Variants in CDH3 observed in about 807,000 individuals in gnomAD.
CDH3 encodes cadherin 3.
CDH3 carries 54 observed loss-of-function variants against 82.0 expected under a neutral mutation model. That is an observed-to-expected ratio of 0.66 (90% CI 0.53 to 0.83). The LOEUF is 0.83. CDH3 is among the 40% of genes least tolerant of loss of function. The pLI, the probability that CDH3 is intolerant of heterozygous loss-of-function variation, is 0.00. For missense variants in CDH3, 1,054 were observed against 1,084.6 expected (o/e 0.97, Z 0.40); for synonymous variants, 446 against 437.9 (o/e 1.02, Z -0.23).
the CDH3 span, among the ~76,000 whole-genome samples, chr16:68,732,627 C>T: frequency 2.0e-5 from 3 of 152,214 alleles, no homozygotes; most frequent in Admixed American, 6.5e-5. Flanking sequence ...AGCGCTGGAT[C>T]TCAGCAAGAT....
At chr16:68,673,662 A>C (rs1229499629) in intron 2 of CDH3, among the ~76,000 whole-genome samples, 1 of 151,942 alleles carries the variant, frequency 6.6e-6, no homozygotes, top group Non-Finnish European at 1.5e-5. Context: ...GCAGTGGCTC[A>C]CTCCTGTAAT....
chr16:68,679,324 A>G (rs1961135997), intron 6 of CDH3, among the ~76,000 whole-genome samples: 1 of 152,238 alleles, frequency 6.6e-6, no homozygotes, highest in Non-Finnish European at 1.5e-5. Context: ...CTGTTAGGTA[A>G]TACAGAGCGC....
At chr16:68,661,053 T>G (rs2152093368) in intron 2 of CDH3, among the ~76,000 whole-genome samples, 1 of 151,916 alleles carries the variant, frequency 6.6e-6, no homozygotes, top group East Asian at 1.9e-4. Flanking sequence ...ACATGTGAAG[T>G]GTATGTATGG....
Position 68,691,724 on chromosome 16 carries a change from C to G in CDH3, c.1800C>G (p.Asp600Glu), listed in dbSNP as rs1199427210. The change falls in exon 13 of 16, where the codon GAC (aspartate) becomes GAG (glutamate). Residue 600 changes from aspartate to glutamate, a missense_variant. Transcript: ENST00000264012. ...YWTAEVNEEGDTVVLSLKKFL... is the reference protein window; with the variant it reads ...YWTAEVNEEGETVVLSLKKFL... ...TCAATGATCTGTTCACTCCAGGTGA[C>G]ACAGTGGTCTTGTCCCTGAAGAAGT... is the stretch of plus-strand genomic sequence containing the variant. 5 of 1,612,872 alleles carry G rather than the reference C, an allele frequency of 3.1e-6. No homozygotes were observed. Among genetic ancestry groups the G allele is most frequent in the Non-Finnish European group, 4.2e-6 (5 of 1,178,954 alleles).
At chr16:68,658,694 C>T (rs1280690489) in intron 2 of CDH3, among the ~76,000 whole-genome samples, 6 of 152,224 alleles carry the variant, frequency 3.9e-5, no homozygotes, top group African/African-American at 9.6e-5. Context: ...CCTGTAGAGT[C>T]GCTTCATCCA....
intron 5 of CDH3, 25 bp from the exon 6 acceptor site, chr16:68,678,737 G>C (rs773789550): frequency 6.2e-7 from 1 of 1,614,160 alleles, no homozygotes; most frequent in Non-Finnish European, 8.5e-7. Flanking sequence ...GCACCGGGCT[G>C]ACCCCAGAGC....
intron 1 of CDH3, among the ~76,000 whole-genome samples, chr16:68,715,743 A>G (rs1329773509): frequency 6.6e-6 from 1 of 152,216 alleles, no homozygotes; most frequent in African/African-American, 2.4e-5. Context: ...TTGCTGATGA[A>G]TAGCCTCTGG....
At chr16:68,726,730 C>T (rs1433345873) in intron 2 of CDH3, among the ~76,000 whole-genome samples, 2 of 152,072 alleles carry the variant, frequency 1.3e-5, no homozygotes, top group Admixed American at 6.6e-5. Context: ...AGGCGCCCAC[C>T]ACCACGCCTG....
In CDH3 at chr16:68,645,621, T is replaced by C. The variant is rs1293669387; in HGVS notation, c.46-15T>C. On this transcript the variant is annotated splice_polypyrimidine_tract_variant and intron_variant, in intron 1 of 15. Coordinates refer to ENST00000264012, the MANE Select transcript of CDH3 (RefSeq NM_001793.6). ...CCTGGACCCAGCCTCCTTCACTCTC[T>C]GCCCTCGGGCGCAGGTTTGCTGGCT... 6.5e-7 allele frequency: 1 copy of C among 1,538,752 alleles called. No individual in the cohort carries two copies. Among genetic ancestry groups the C allele is most frequent in the South Asian group, 1.2e-5 (1 of 83,936 alleles).
chr16:68,652,897 A>G (rs941204833), intron 2 of CDH3, among the ~76,000 whole-genome samples: 2 of 152,178 alleles, frequency 1.3e-5, no homozygotes, highest in African/African-American at 2.4e-5. Flanking sequence ...TTCTCATTGT[A>G]TAGTATTTCA....
rs935068731 is a variant in CDH3 at position 68,698,251 on chromosome 16, G to C, written c.2341G>C (p.Asp781His). 2.5e-6 allele frequency: 4 copies of C among 1,614,204 alleles called. No homozygotes were observed. Among genetic ancestry groups the C allele is most frequent in the East Asian group, 4.5e-5 (2 of 44,882 alleles). ...GCCCTACGACACCCTCTTGGTGTTC[G>C]ACTATGAGGGCAGCGGCTCCGACGC... is the stretch of plus-strand genomic sequence containing the variant. ...APPYDTLLVF[D>H]YEGSGSDAAS... Residue 781 changes from aspartate to histidine, a missense_variant, in exon 16 of 16, where the codon GAC becomes CAC. Coordinates refer to ENST00000264012, the MANE Select transcript of CDH3 (RefSeq NM_001793.6).
rs866162947 is a variant in CDH3, at chr16:68,707,944, C to A, written c.99+12021C>A. Among the ~76,000 whole-genome samples the A allele has an allele frequency of 1.3e-5, 2 of 152,090 alleles. No homozygotes were observed. Among genetic ancestry groups the A allele is most frequent in the African/African-American group, 4.8e-5 (2 of 41,406 alleles). On this transcript the variant is annotated intron_variant, in intron 1 of 2. Coordinates refer to the CDH3 transcript ENST00000569080. This position sits in a 1 kb window ranked among gnomAD's most constrained non-coding sequence, Gnocchi z 4.5. ...TCCATCCGGTAAACCACGGCCAGCC[C>A]ACAGCTGACAGGGCAGGGCGCTGAG...
At chr16:68,708,487 G>A (rs62057805) in intron 1 of CDH3, among the ~76,000 whole-genome samples, 1 of 151,810 alleles carries the variant, frequency 6.6e-6, no homozygotes, top group Non-Finnish European at 1.5e-5. Flanking sequence ...GATTTCTCTC[G>A]GCTCCCTCAC....
intron 15 of CDH3, 194 bp downstream of exon 15, chr16:68,696,117 G>A: frequency 1.5e-6 from 1 of 679,744 alleles, no homozygotes; most frequent in Non-Finnish European, 2.6e-6. Flanking sequence ...CACTTGCAGA[G>A]TGGTTAAAAA....
intron 1 of CDH3, among the ~76,000 whole-genome samples, chr16:68,717,895 A>C (rs953981877): frequency 1.3e-5 from 2 of 152,200 alleles, no homozygotes; most frequent in African/African-American, 4.8e-5. Flanking sequence ...AAGCAGCACC[A>C]GGCCTTCACT....
At chr16:68,670,268 T>C (rs1314355636) in intron 2 of CDH3, among the ~76,000 whole-genome samples, 7 of 150,876 alleles carry the variant, frequency 4.6e-5, no homozygotes, top group East Asian at 1.9e-4. Flanking sequence ...ACTTAAGTAG[T>C]TCTTGAATGA....
In CDH3 at chr16:68,698,850, A is replaced by G. The variant is rs2081661461; in HGVS notation, c.*450A>G. 6.0e-6 allele frequency: 1 copy of G among 167,728 alleles called. No homozygotes were observed. The highest frequency in any genetic ancestry group is 1.3e-5 in the Non-Finnish European group (1 of 77,770). 10.4% of individuals were successfully genotyped at this position (167,728 alleles called of 1,614,324 possible). A position where few individuals can be genotyped will look rare whatever the true frequency, so the allele number is the denominator to read the frequency against. On this transcript the variant is annotated 3_prime_UTR_variant, in exon 16 of 16. Transcript: ENST00000264012. ...AGTGCAGCCCAGAGCTGCTGGGCCC[A>G]CTGGCCGTCCTGCATTTCTGGTTTC...
At position 68,684,657 on chromosome 16, in the gene CDH3, G is replaced by C. The variant is rs11860187; in HGVS notation, c.1257G>C (p.Lys419Asn). 1 of 1,614,154 alleles carries C rather than the reference G, an allele frequency of 6.2e-7. No individual in the cohort carries two copies. Among genetic ancestry groups the C allele is most frequent in the Non-Finnish European group, 8.5e-7 (1 of 1,180,034 alleles). ...CCAACGAGGCCCCTTTTGTGCTGAA[G>C]CTCCCAACCTCCACAGCCACCATAG... ...EVTNEAPFVL[K>N]LPTSTATIVV... The change falls in exon 10 of 16, where the codon AAG becomes AAC. Residue 419 changes from lysine to asparagine, a missense_variant. By Grantham distance (94) the Lys-to-Asn change is moderately conservative. Coordinates refer to ENST00000264012, the MANE Select transcript of CDH3 (RefSeq NM_001793.6).
Position 68,684,696 on chromosome 16 carries a change from G to A in CDH3, c.1296G>A (p.Glu432=), listed in dbSNP as rs749612371. 24 of 1,614,092 alleles carry A rather than the reference G, an allele frequency of 1.5e-5. No homozygotes were observed. In the South Asian group the frequency reaches 2.3e-4, roughly 16 times the overall value. The part of the protein sequence containing the change: ...TSTATIVVHV[E]DVNEAPVFVP... ...CAGCCACCATAGTGGTCCACGTGGA[G>A]GATGTGAATGAGGCACCTGTGTTTG... is the stretch of plus-strand genomic sequence containing the variant. The change falls in exon 10 of 16, where the codon GAG becomes GAA. Residue 432 remains glutamate, a synonymous_variant. Transcript: ENST00000264012.
Sources: allele counts gnomAD v4.1 joint callset (sites outside exome capture counted in the v4.1 genomes callset), GRCh38; gene constraint gnomAD v4.1.1; non-coding constraint Gnocchi (gnomAD v3.1); transcripts MANE v1.5; gene names NCBI Gene and HGNC (gene_info 2026-07-23, HGNC 2026-07-21).